Variants in FILIP1L observed in about 807,000 individuals in gnomAD.
FILIP1L encodes the protein filamin A interacting protein 1 like, also known as filamin A-interacting protein 1-like.
Under a neutral mutation model 96.6 loss-of-function variants are expected in FILIP1L, and 55 were observed. The ratio of observed to expected loss-of-function variants is 0.57; its 90% CI spans 0.46 to 0.71. The LOEUF is 0.71. FILIP1L is among the 30% of genes least tolerant of loss of function. FILIP1L has a pLI of 0.00. For missense variants in FILIP1L, 1,304 were observed against 1,321.2 expected, an observed-to-expected ratio of 0.99 and a Z score of 0.20; for synonymous variants, 467 against 473.9, an observed-to-expected ratio of 0.99 and a Z score of 0.19.
At chr3:99,927,847 A>T (rs1009731132) in intron 3 of FILIP1L, among the ~76,000 whole-genome samples, 1 of 152,112 alleles carries the variant, frequency 6.6e-6, no homozygotes, top group Non-Finnish European at 1.5e-5. Flanking sequence ...TCCTAGCCCC[A>T]GCCCCAAGCA....
intron 1 of FILIP1L, among the ~76,000 whole-genome samples, chr3:100,027,380 T>A (rs1486877913): frequency 6.6e-6 from 1 of 152,190 alleles, no homozygotes; most frequent in Non-Finnish European, 1.5e-5. Context: ...ACAATTTTTT[T>A]AACTTTGGGC....
chr3:99,987,249 C>A, intron 1 of FILIP1L, among the ~76,000 whole-genome samples: 1 of 148,150 alleles, frequency 6.7e-6, no homozygotes, highest in Non-Finnish European at 1.5e-5. Flanking sequence ...AAAAAAAAGG[C>A]CAGGCACAGT....
At chr3:100,055,573 A>T (rs2065450914) in intron 1 of FILIP1L, among the ~76,000 whole-genome samples, 1 of 152,248 alleles carries the variant, frequency 6.6e-6, no homozygotes, top group Non-Finnish European at 1.5e-5. Context: ...ATATACAAAG[A>T]TGCAAAGATA....
chr3:99,957,693 C>CT (rs779350496), intron 1 of FILIP1L, among the ~76,000 whole-genome samples: 682 of 19,874 alleles, frequency 0.034, 54 homozygotes, highest in Non-Finnish European at 0.046. Flanking sequence ...TTCTTTCTTT[C>CT]TTTTTTTTTT....
chr3:100,006,732 A>G (rs530163587), intron 1 of FILIP1L, among the ~76,000 whole-genome samples: 2 of 152,150 alleles, frequency 1.3e-5, no homozygotes, highest in South Asian at 4.1e-4. Context: ...TAGTTAAGTT[A>G]GGAAATTAAA....
At chr3:99,909,340 AC>A (rs1009318471) in intron 4 of FILIP1L, among the ~76,000 whole-genome samples, 10 of 152,156 alleles carry the variant, frequency 6.6e-5, no homozygotes, top group Non-Finnish European at 1.5e-4. Context: ...TATACACTGT[AC>A]CATGTGCTTG....
In FILIP1L at chr3:99,912,545, A is replaced by T. The variant is rs149422067; in HGVS notation, c.605+11685T>A. 4.4e-3 allele frequency among the ~76,000 whole-genome samples: 662 copies of T among 152,024 alleles called. 7 individuals are homozygous for T. The highest frequency in any genetic ancestry group is 0.016 in the African/African-American group (649 of 41,468). On this transcript the variant is annotated intron_variant, in intron 4 of 5. Transcript: ENST00000477258. ...GGTGCATGCCAGCACACCCAGCTAA[A>T]TTTTGTATTTTTTGTAGAGATGAAG...
At chr3:99,954,543 G>T (rs1425721743) in intron 1 of FILIP1L, among the ~76,000 whole-genome samples, 1 of 151,990 alleles carries the variant, frequency 6.6e-6, no homozygotes, top group Non-Finnish European at 1.5e-5. Flanking sequence ...AAGAATAACT[G>T]GGCTGGGCAC....
chr3:99,894,341 G>C (rs1475317647), intron 4 of FILIP1L, among the ~76,000 whole-genome samples: 1 of 152,132 alleles, frequency 6.6e-6, no homozygotes, highest in East Asian at 1.9e-4. Flanking sequence ...ATCTGTTGTG[G>C]GTGCCTAACA....
At chr3:99,853,703 T>C (rs1943818312) in intron 4 of FILIP1L, among the ~76,000 whole-genome samples, 1 of 152,262 alleles carries the variant, frequency 6.6e-6, no homozygotes, top group African/African-American at 2.4e-5. Context: ...CCCCAAGTTC[T>C]GTCTGATTAT....
In FILIP1L at chr3:99,983,440, ATGTATG is replaced by A. The variant is rs1559713535; in HGVS notation, c.-10-52416_-10-52411del. 6.4e-3 allele frequency among the ~76,000 whole-genome samples: 241 copies of A among 37,868 alleles called. 4 individuals carry two copies. The highest frequency in any genetic ancestry group is 0.02 in the African/African-American group (215 of 10,646). The allele number at this position is 37,868 out of a possible 152,430, so 24.8% of individuals were successfully genotyped here. On this transcript the variant is annotated intron_variant, in intron 1 of 5. Coordinates refer to ENST00000477258, the MANE Select transcript of FILIP1L (RefSeq NM_001387850.1). ...TATATGTATGTATGTATGTATATAT[ATGTATG>A]TATATATATATATGTGTGTATATAT... is the stretch of plus-strand genomic sequence containing the variant.
chr3:99,890,992 C>G (rs1484656709), intron 4 of FILIP1L, among the ~76,000 whole-genome samples: 3 of 151,984 alleles, frequency 2.0e-5, no homozygotes. Flanking sequence ...GTATTTTCAG[C>G]CTAAAATCTT....
At position 99,938,604 on chromosome 3, in the gene FILIP1L, T is replaced by A. The variant is rs537978828; in HGVS notation, c.-10-7574A>T. ...CTATCTTTACACAGAACCTTTAAGC[T>A]AAGATTTAGTTCCCTGAAAGAATGG... On this transcript the variant is annotated intron_variant, in intron 1 of 5. Transcript: ENST00000477258. Among the ~76,000 whole-genome samples, 228 of 152,328 alleles carry A rather than the reference T, an allele frequency of 1.5e-3. 1 individual carries two copies. Among genetic ancestry groups the A allele is most frequent in the Non-Finnish European group, 2.2e-3 (148 of 68,026 alleles).
chr3:100,020,032 G>T (rs1180415445), intron 1 of FILIP1L, among the ~76,000 whole-genome samples: 1 of 152,076 alleles, frequency 6.6e-6, no homozygotes, highest in African/African-American at 2.4e-5. Flanking sequence ...TAATTACCCT[G>T]GGTAGTAGCC....
chr3:99,884,264 CCTTGT>C (rs1256515449), intron 4 of FILIP1L, among the ~76,000 whole-genome samples: 1 of 152,132 alleles, frequency 6.6e-6, no homozygotes, highest in East Asian at 1.9e-4. Context: ...CCTTCTTTCT[CCTTGT>C]CTTCTCTCCC....
chr3:99,831,030 G>A (rs1942653524), intron 5 of FILIP1L, among the ~76,000 whole-genome samples: 2 of 152,194 alleles, frequency 1.3e-5, no homozygotes, highest in African/African-American at 4.8e-5. Flanking sequence ...CAGTATGAGT[G>A]AGATGGGCAG....
chr3:99,833,217 G>A, intron 5 of FILIP1L: 1 of 1,608,870 alleles, frequency 6.2e-7, no homozygotes, highest in Non-Finnish European at 8.5e-7. Context: ...TGCCTTAAAA[G>A]TCTGAAGGAT....
chr3:100,011,230 G>A (rs1457201983), intron 1 of FILIP1L, among the ~76,000 whole-genome samples: 1 of 152,080 alleles, frequency 6.6e-6, no homozygotes, highest in Admixed American at 6.5e-5. Flanking sequence ...AGTGAGGTAG[G>A]TTATGAACTT....
chr3:99,869,093 A>G (rs916193662), intron 4 of FILIP1L, among the ~76,000 whole-genome samples: 12 of 152,174 alleles, frequency 7.9e-5, no homozygotes, highest in Non-Finnish European at 1.5e-4. Context: ...AGTTCTCAGA[A>G]TGACTTGTTA....
Sources: gnomAD v4.1 joint callset for allele counts (sites outside exome capture counted in the v4.1 genomes callset) on GRCh38, gnomAD v4.1.1 for gene constraint, MANE v1.5 for transcripts, NCBI Gene and HGNC (gene_info 2026-07-23, HGNC 2026-07-21) for gene names.